CHN2: variants seen among roughly 807,000 people sequenced by gnomAD.
The protein encoded by CHN2 is chimerin 2, also known as beta-chimaerin.
A neutral mutation model predicts 56.3 loss-of-function variants in CHN2; 35 were observed. The observed-to-expected ratio is 0.62, with a 90% CI of 0.47 to 0.82. The LOEUF is 0.82. Ranked by LOEUF, CHN2 falls within the 40% of genes least tolerant of loss-of-function variation. The pLI is 0.00. For synonymous variants in CHN2, 210 were observed against 212.8 expected, an observed-to-expected ratio of 0.99 and a Z score of 0.12; for missense variants, 491 against 580.5, an observed-to-expected ratio of 0.85 and a Z score of 1.58.
intron 1 of CHN2, among the ~76,000 whole-genome samples, chr7:29,245,252 G>T (rs938713492): frequency 6.6e-6 from 1 of 152,198 alleles, no homozygotes; most frequent in African/African-American, 2.4e-5. Context: ...AGGTGGATAG[G>T]ATCTGTGTTT....
At chr7:29,250,239 A>T (rs2128818053) in intron 1 of CHN2, among the ~76,000 whole-genome samples, 1 of 152,340 alleles carries the variant, frequency 6.6e-6, no homozygotes, top group East Asian at 1.9e-4. Flanking sequence ...ATTCCCATTT[A>T]AAAATATCCT....
chr7:29,412,110 G>C (rs1803271413), intron 6 of CHN2, among the ~76,000 whole-genome samples: 1 of 152,040 alleles, frequency 6.6e-6, no homozygotes, highest in African/African-American at 2.4e-5. Flanking sequence ...TAAAATGGTG[G>C]TGTTAAATCA....
intron 1 of CHN2, among the ~76,000 whole-genome samples, chr7:29,205,991 C>T (rs182871781): frequency 1.7e-3 from 256 of 152,240 alleles, no homozygotes; most frequent in Middle Eastern, 6.8e-3. Flanking sequence ...TCATTCCCTC[C>T]TTCCAAAGGT....
At chr7:29,414,689 G>A (rs758652937) in intron 6 of CHN2, among the ~76,000 whole-genome samples, 1 of 152,056 alleles carries the variant, frequency 6.6e-6, no homozygotes, top group African/African-American at 2.4e-5. Flanking sequence ...GCATGCACAC[G>A]TCGCTTCACC....
At chr7:29,276,040 C>T (rs1791178610) in intron 1 of CHN2, among the ~76,000 whole-genome samples, 1 of 145,420 alleles carries the variant, frequency 6.9e-6, no homozygotes, top group South Asian at 2.2e-4. Flanking sequence ...GCACATGTTC[C>T]CCCGAATCTA....
intron 2 of CHN2, among the ~76,000 whole-genome samples, chr7:29,161,889 A>C (rs1243869519): frequency 6.6e-6 from 1 of 152,270 alleles, no homozygotes. Flanking sequence ...TCACTAAAGA[A>C]GATAGACAGT....
chr7:29,503,421 G>C (rs745989772), intron 9 of CHN2, among the ~76,000 whole-genome samples: 1 of 152,190 alleles, frequency 6.6e-6, no homozygotes, highest in Non-Finnish European at 1.5e-5. Context: ...CTCTGTGGCA[G>C]TGCATGTTCC....
At chr7:29,493,464 T>C (rs967511727) in intron 7 of CHN2, among the ~76,000 whole-genome samples, 3 of 152,168 alleles carry the variant, frequency 2.0e-5, no homozygotes, top group Non-Finnish European at 2.9e-5. Context: ...ACCTCTGGTC[T>C]TTGCTCCTCC....
At chr7:29,479,554 A>AAG in intron 6 of CHN2, 1 of 588,070 alleles carries the variant, frequency 1.7e-6, no homozygotes, top group Non-Finnish European at 2.1e-6. Context: ...ATTTTTAATA[A>AAG]AGAGACATAG....
chr7:29,433,084 T>A (rs1782966540), intron 6 of CHN2, among the ~76,000 whole-genome samples: 1 of 152,244 alleles, frequency 6.6e-6, no homozygotes, highest in Non-Finnish European at 1.5e-5. Context: ...TAGGGCTATT[T>A]CTTTCATTCA....
In CHN2 at chr7:29,478,142, A is replaced by G. The variant is rs974903577; in HGVS notation, c.577-2137A>G. On this transcript the variant is annotated intron_variant, in intron 6 of 12. Transcript: ENST00000222792. ...GGGAGTCTGGGGAAGTCCTTTTGGAAAGGGTAGCATTAGAATCAGAATGTA... is the reference window on the plus strand; with the variant it reads ...GGGAGTCTGGGGAAGTCCTTTTGGAGAGGGTAGCATTAGAATCAGAATGTA... 3.9e-5 allele frequency among the ~76,000 whole-genome samples: 6 copies of G among 152,188 alleles called. No homozygotes were observed. The South Asian group carries it at 1.2e-3, about 32-fold the overall frequency.
chr7:29,435,625 G>A (rs934920091), intron 6 of CHN2, among the ~76,000 whole-genome samples: 1 of 152,150 alleles, frequency 6.6e-6, no homozygotes, highest in African/African-American at 2.4e-5. Flanking sequence ...ACAAGGTACA[G>A]TTAAAATTAT....
At chr7:29,294,331 C>T (rs912401924) in intron 1 of CHN2, among the ~76,000 whole-genome samples, 1 of 152,048 alleles carries the variant, frequency 6.6e-6, no homozygotes, top group Non-Finnish European at 1.5e-5. Context: ...AGTCTTTGTA[C>T]AGGGATTTAA....
intron 1 of CHN2, among the ~76,000 whole-genome samples, chr7:29,276,945 A>G (rs1167329153): frequency 2.0e-5 from 3 of 152,166 alleles, no homozygotes; most frequent in African/African-American, 7.2e-5. Context: ...AATACGCAAG[A>G]AGGGCTGGAC....
chr7:29,471,559 C>T (rs1240667506), intron 6 of CHN2, among the ~76,000 whole-genome samples: 5 of 142,808 alleles, frequency 3.5e-5, no homozygotes, highest in Admixed American at 1.4e-4. Context: ...GTTGGGTGAA[C>T]GGTGACTGTT....
chr7:29,359,504 C>T lies in CHN2; in HGVS notation c.88+4841C>T, dbSNP rs145262558. On this transcript the variant is annotated intron_variant, in intron 2 of 12. Transcript: ENST00000222792. ...GTTGACTCAAGGAACGGTGATGCCA[C>T]GGGATGGCCTTTAAGTCCCTGCCCT... Among the ~76,000 whole-genome samples, 38 of 152,132 alleles carry T rather than the reference C, an allele frequency of 2.5e-4. No homozygotes were observed. In the East Asian group the frequency reaches 5.2e-3, roughly 21 times the overall value.
chr7:29,274,135 A>C (rs1481578282), intron 1 of CHN2, among the ~76,000 whole-genome samples: 1 of 152,214 alleles, frequency 6.6e-6, no homozygotes, highest in Admixed American at 6.5e-5. Flanking sequence ...GTGCTTACGA[A>C]CATTCGGGAA....
At chr7:29,288,266 T>C (rs1792315592) in intron 1 of CHN2, among the ~76,000 whole-genome samples, 1 of 152,186 alleles carries the variant, frequency 6.6e-6, no homozygotes, top group South Asian at 2.1e-4. Flanking sequence ...GGTTTCCCAG[T>C]CTGTAAAACA....
intron 1 of CHN2, among the ~76,000 whole-genome samples, chr7:29,289,376 C>T (rs1024822290): frequency 1.2e-4 from 19 of 152,070 alleles, no homozygotes; most frequent in Admixed American, 2.6e-4. Context: ...GGCCCCGTCA[C>T]GTGCTTGGGA....
Sources: gnomAD v4.1 joint callset for allele counts (sites outside exome capture counted in the v4.1 genomes callset) on GRCh38, gnomAD v4.1.1 for gene constraint, MANE v1.5 for transcripts, NCBI Gene and HGNC (gene_info 2026-07-23, HGNC 2026-07-21) for gene names.